Variants in PRKN observed in about 807,000 individuals in gnomAD.
PRKN encodes parkin RBR E3 ubiquitin protein ligase.
PRKN carries 56 observed loss-of-function variants against 59.5 expected under a neutral mutation model. The ratio of observed to expected loss-of-function variants is 0.94; its 90% CI spans 0.76 to 1.18. PRKN has a LOEUF of 1.18. PRKN is among the 50% of genes most tolerant of loss of function. The pLI, the probability that PRKN is intolerant of heterozygous loss-of-function variation, is 0.00. For synonymous variants in PRKN, 250 were observed against 222.1 expected (o/e 1.13, Z -1.12); for missense variants, 657 against 596.4 (o/e 1.10, Z -1.06).
intron 9 of PRKN, among the ~76,000 whole-genome samples, chr6:161,493,405 T>C (rs1253236881): frequency 1.3e-5 from 2 of 152,196 alleles, no homozygotes; most frequent in Admixed American, 6.5e-5. Context: ...ACATCACACA[T>C]CTAATAAGTG....
chr6:162,200,976 A>G (rs1784704687), intron 4 of PRKN, among the ~76,000 whole-genome samples, 155 bp downstream of exon 4: 1 of 152,236 alleles, frequency 6.6e-6, no homozygotes, highest in South Asian at 2.1e-4. Context: ...AAGGCGCATA[A>G]ACGAAACTTC....
chr6:162,712,200 C>G (rs1778562751), intron 1 of PRKN, among the ~76,000 whole-genome samples: 1 of 152,156 alleles, frequency 6.6e-6, no homozygotes, highest in Admixed American at 6.5e-5. Context: ...TCTTCTTATA[C>G]TCCCTGCATG....
At chr6:161,920,318 AG>A (rs1160933554) in intron 6 of PRKN, among the ~76,000 whole-genome samples, 3 of 152,016 alleles carry the variant, frequency 2.0e-5, no homozygotes, top group Non-Finnish European at 4.4e-5. Context: ...TAGGAGGTGG[AG>A]GTTGCAGTGA....
Position 162,262,671 on chromosome 6 carries a change from C to T in PRKN, c.266G>A (p.Arg89Lys), listed in dbSNP as rs1238707850. ...EMNATGGDDP[R>K]NAAGGCEREP... ...CCGCTCACAGCCTCCCGCCGCGTTT[C>T]TGGGGTCGTCGCCTCCAGTTGCATT... The change falls in exon 3 of 12, where the codon AGA becomes AAA. Residue 89 changes from arginine to lysine, a missense_variant. Physicochemically the swap from Arg to Lys is conservative, Grantham distance 26. Transcript: ENST00000366898. The T allele has an allele frequency of 6.2e-7, 1 of 1,612,944 alleles. No individual in the cohort carries two copies. Among genetic ancestry groups the T allele is most frequent in the East Asian group, 2.2e-5 (1 of 44,812 alleles).
At position 161,576,385 on chromosome 6, in the gene PRKN, C is replaced by T. The variant is rs1269567215; in HGVS notation, c.872-6969G>A. Among the ~76,000 whole-genome samples the T allele has an allele frequency of 6.6e-6, 1 of 152,140 alleles. No individual in the cohort carries two copies. The highest frequency in any genetic ancestry group is 1.5e-5 in the Non-Finnish European group (1 of 68,036). On this transcript the variant is annotated intron_variant, in intron 7 of 11. Transcript: ENST00000366898. This position sits in a 1 kb window ranked among gnomAD's most constrained non-coding sequence, Gnocchi z 4.6. ...CACCTTCCACCTAATAATGTACTTA[C>T]AGGTATACACACGGGAGAGTAACTT...
chr6:162,428,375 A>G (rs1789345085), intron 2 of PRKN, among the ~76,000 whole-genome samples: 1 of 152,192 alleles, frequency 6.6e-6, no homozygotes, highest in African/African-American at 2.4e-5. Context: ...ACTAGGTATC[A>G]AACACTGAGG....
intron 1 of PRKN, among the ~76,000 whole-genome samples, chr6:162,594,354 C>T (rs191881424): frequency 6.6e-6 from 1 of 152,164 alleles, no homozygotes; most frequent in East Asian, 1.9e-4. Flanking sequence ...TTTAGAATCT[C>T]CTAAATATAT....
chr6:162,018,321 C>T (rs1219286775), intron 5 of PRKN, among the ~76,000 whole-genome samples: 2 of 152,158 alleles, frequency 1.3e-5, no homozygotes, highest in Non-Finnish European at 2.9e-5. Context: ...CCACCGCGCC[C>T]GGCCCATAAT....
intron 5 of PRKN, among the ~76,000 whole-genome samples, chr6:162,034,992 C>T (rs539720328): frequency 1.3e-3 from 201 of 152,212 alleles, no homozygotes; most frequent in African/African-American, 4.3e-3. Context: ...AGTTCGCTCA[C>T]GGTTCTGAAG....
At chr6:162,561,254 C>T (rs888712391) in intron 1 of PRKN, among the ~76,000 whole-genome samples, 11 of 152,094 alleles carry the variant, frequency 7.2e-5, no homozygotes. Context: ...GTTTCAAGCA[C>T]AGGAATGCCA....
rs182604276 is a variant in PRKN, at chr6:162,122,441, A to T, written c.535-68267T>A. 1.3e-3 allele frequency among the ~76,000 whole-genome samples: 197 copies of T among 152,264 alleles called. 2 individuals are homozygous for T. Among genetic ancestry groups the T allele is most frequent in the Admixed American group, 2.8e-3 (43 of 15,282 alleles). ...GAAAAGGCATTTATTTTGGGTATGG[A>T]TTCATCATTCCTGTCTGCCTTGTTT... On this transcript the variant is annotated intron_variant, in intron 4 of 11. Transcript: ENST00000366898.
At chr6:162,376,716 A>G (rs1786109816) in intron 2 of PRKN, among the ~76,000 whole-genome samples, 1 of 135,596 alleles carries the variant, frequency 7.4e-6, no homozygotes, top group Non-Finnish European at 1.6e-5. Flanking sequence ...AGAGGGGGAA[A>G]GGGAAGGGGA....
intron 7 of PRKN, among the ~76,000 whole-genome samples, chr6:161,695,004 A>G (rs1231655536): frequency 6.6e-6 from 1 of 152,080 alleles, no homozygotes; most frequent in African/African-American, 2.4e-5. Flanking sequence ...GGCATTTCTT[A>G]AAAACCTCCC....
chr6:162,697,493 A>C (rs1778011562), intron 1 of PRKN, among the ~76,000 whole-genome samples: 1 of 152,206 alleles, frequency 6.6e-6, no homozygotes, highest in South Asian at 2.1e-4. Context: ...TTGAATAATT[A>C]ATTTTTAAAA....
chr6:161,990,177 C>T (rs775683129), intron 5 of PRKN, among the ~76,000 whole-genome samples: 48 of 152,244 alleles, frequency 3.2e-4, no homozygotes, highest in African/African-American at 9.9e-4. Context: ...CCACTGTGCC[C>T]GAAGACCAGC....
intron 3 of PRKN, among the ~76,000 whole-genome samples, chr6:162,247,296 T>C (rs998500272): frequency 1.3e-5 from 2 of 152,138 alleles, no homozygotes; most frequent in African/African-American, 4.8e-5. Flanking sequence ...AGTAATGGGA[T>C]GAGCTTTCTT....
chr6:161,350,142 T>C lies in PRKN; in HGVS notation c.1355A>G (p.Glu452Gly). 1 of 1,613,550 alleles carries C rather than the reference T, an allele frequency of 6.2e-7. No individual in the cohort carries two copies. Among genetic ancestry groups the C allele is most frequent in the South Asian group, 1.1e-5 (1 of 91,078 alleles). The part of the protein sequence containing the change: ...RLEWCWNCGC[E>G]WNRVCMGDHW... ...GTCCCCCATGCAGACGCGGTTCCAC[T>C]CGCAGCCACAGTTCCAGCACCACTC... Residue 452 changes from glutamate (E) to glycine (G), a missense_variant, in exon 12 of 12, where the codon GAG (glutamate) becomes GGG (glycine). By Grantham distance (98) the Glu-to-Gly change is moderately conservative. Coordinates refer to ENST00000366898, the MANE Select transcript of PRKN (RefSeq NM_004562.3).
At chr6:162,351,004 C>T (rs998753821) in intron 2 of PRKN, among the ~76,000 whole-genome samples, 4 of 151,930 alleles carry the variant, frequency 2.6e-5, no homozygotes, top group Admixed American at 1.3e-4. Context: ...GGCAACAGAG[C>T]GAGACCCTGA....
chr6:162,420,260 G>GTA (rs1554319547), intron 2 of PRKN, among the ~76,000 whole-genome samples: 1 of 105,852 alleles, frequency 9.4e-6, no homozygotes, highest in Admixed American at 1.0e-4. Context: ...ATTTCACAAT[G>GTA]GCGGGGAGGG....
Sources: gnomAD v4.1 joint callset for allele counts (sites outside exome capture counted in the v4.1 genomes callset) on GRCh38, gnomAD v4.1.1 for gene constraint, Gnocchi (gnomAD v3.1) non-coding constraint, MANE v1.5 for transcripts, NCBI Gene and HGNC (gene_info 2026-07-23, HGNC 2026-07-21) for gene names.